PPP1R15A: variants seen among roughly 807,000 people sequenced by gnomAD.
The protein encoded by PPP1R15A is protein phosphatase 1 regulatory subunit 15A, also known as growth arrest and DNA damage-inducible protein GADD34.
PPP1R15A carries 43 observed loss-of-function variants against 48.5 expected under a neutral mutation model. That is an observed-to-expected ratio of 0.89 (90% CI 0.69 to 1.14). The LOEUF is 1.14. Among genes scored for constraint, PPP1R15A ranks in the 50% most tolerant of loss-of-function variants. PPP1R15A has a pLI of 0.00. For synonymous variants in PPP1R15A, 327 were observed against 327.4 expected (o/e 1.00, Z 0.01); for missense variants, 868 against 847.2 (o/e 1.02, Z -0.30).
intron 2 of PPP1R15A, 27 bp downstream of exon 2, chr19:48,874,925 T>C (rs772273966): frequency 2.2e-6 from 2 of 911,868 alleles, no homozygotes; most frequent in South Asian, 2.5e-5. Flanking sequence ...CAGATTCTAT[T>C]TTTTTTTTTT....
Position 48,874,581 on chromosome 19 carries a change from A to G in PPP1R15A, c.1348A>G (p.Ser450Gly). ...GGAGGAGGAAGATGAGGATGTGGAT[A>G]GTGAGGATAAGGAAGATGATTCAGA... ...TEEEEDEDVD[S>G]EDKEDDSEAA... is the part of the protein sequence containing the mutation. The change falls in exon 2 of 3, where the codon AGT becomes GGT. Residue 450 changes from serine (S) to glycine (G), a missense_variant. Transcript: ENST00000200453. The G allele has an allele frequency of 6.2e-7, 1 of 1,614,158 alleles. No homozygotes were observed. The highest frequency in any genetic ancestry group is 8.5e-7 in the Non-Finnish European group (1 of 1,180,012).
rs2037078598 is a variant in PPP1R15A, at chr19:48,875,932, G to A, written c.1984G>A (p.Ala662Thr). ...GGCCACACCTTCCCGCTCGTCTGCT[G>A]CTGCAGCGGCTGCCCTGGACCTCAG... ...AVATPSRSSAAAAAALDLSGR... is the reference protein window; with the variant it reads ...AVATPSRSSATAAAALDLSGR... Residue 662 changes from alanine to threonine, a missense_variant, in exon 3 of 3, where the codon GCT becomes ACT. Coordinates refer to ENST00000200453, the MANE Select transcript of PPP1R15A (RefSeq NM_014330.5). 1 of 1,608,084 alleles carries A rather than the reference G, an allele frequency of 6.2e-7. No homozygotes were observed. Among genetic ancestry groups the A allele is most frequent in the Non-Finnish European group, 8.5e-7 (1 of 1,175,460 alleles).
In PPP1R15A at chr19:48,873,264, A is replaced by T; in HGVS notation, c.31A>T (p.Thr11Ser). The T allele has an allele frequency of 6.4e-7, 1 of 1,553,958 alleles. No individual in the cohort carries two copies. Among genetic ancestry groups the T allele is most frequent in the South Asian group, 1.2e-5 (1 of 83,652 alleles). Residue 11 changes from threonine (T) to serine (S), a missense_variant, in exon 2 of 3, where the codon ACC (threonine) becomes TCC (serine). Coordinates refer to ENST00000200453, the MANE Select transcript of PPP1R15A (RefSeq NM_014330.5). The part of the protein sequence containing the change: MAPGQAPHQA[T>S]PWRDAHPFFL... ...CCCAGGCCAAGCACCCCATCAGGCT[A>T]CCCCGTGGAGGGATGCCCACCCTTT...
chr19:48,873,871 C>T lies in PPP1R15A; in HGVS notation c.638C>T (p.Pro213Leu), dbSNP rs775529077. ...AHRTSTSALS[P>L]GSKPSTWVSC... ...AGAACCTCTACTTCTGCCTTGTCTC[C>T]AGGATCCAAGCCCAGCACTTGGGTG... is the stretch of plus-strand genomic sequence containing the variant. The change falls in exon 2 of 3, where the codon CCA becomes CTA. Residue 213 changes from proline to leucine, a missense_variant. Pro to Leu is a moderately conservative substitution (Grantham distance 98). Coordinates refer to ENST00000200453, the MANE Select transcript of PPP1R15A (RefSeq NM_014330.5). 8.1e-6 allele frequency: 13 copies of T among 1,614,118 alleles called. No homozygotes were observed. In the South Asian group the frequency reaches 1.2e-4, roughly 15 times the overall value.
Position 48,874,715 on chromosome 19 carries a change from A to G in PPP1R15A, c.1482A>G (p.Glu494=). 6.2e-7 allele frequency: 1 copy of G among 1,613,974 alleles called. No homozygotes were observed. The highest frequency in any genetic ancestry group is 8.5e-7 in the Non-Finnish European group (1 of 1,179,974). ...YRPGKETEEE[E]AAEDWGEAEP... ...CTGGAAAAGAGACAGAGGAAGAGGAAGCTGCTGAGGACTGGGGAGAAGCTG... is the reference window on the plus strand; with the variant it reads ...CTGGAAAAGAGACAGAGGAAGAGGAGGCTGCTGAGGACTGGGGAGAAGCTG... Residue 494 remains glutamate (E), a synonymous_variant, in exon 2 of 3, where the codon GAA becomes GAG. Coordinates refer to ENST00000200453, the MANE Select transcript of PPP1R15A (RefSeq NM_014330.5).
chr19:48,875,095 T>G (rs2037065142), intron 2 of PPP1R15A, 197 bp downstream of exon 2: 2 of 597,416 alleles, frequency 3.3e-6, no homozygotes. Context: ...CCCAGCTAAT[T>G]TTTTTTGTAT....
Position 48,874,646 on chromosome 19 carries a change from C to G in PPP1R15A, c.1413C>G (p.Ser471=). 2.5e-6 allele frequency: 4 copies of G among 1,613,908 alleles called. No homozygotes were observed. The highest frequency in any genetic ancestry group is 3.4e-6 in the Non-Finnish European group (4 of 1,179,822). The change falls in exon 2 of 3, where the codon TCC becomes TCG. Residue 471 remains serine (S), a synonymous_variant. Transcript: ENST00000200453. ...LGEAESDPHP[S]HPDQRAHFRG... is the part of the protein sequence containing the mutation. ...AAGCTGAGTCAGACCCACATCCCTC[C>G]CACCCGGACCAGAGGGCCCACTTCA... is the stretch of plus-strand genomic sequence containing the variant.
In PPP1R15A at chr19:48,875,783, G is replaced by A. The variant is rs764179438; in HGVS notation, c.1835G>A (p.Arg612Gln). ...ELSPCLTPAA[R>Q]ARAWARLRNP... ...AGCCCCTGCCTCACCCCTGCTGCCC[G>A]GGCCAGAGCCTGGGCACGCCTCAGG... The change falls in exon 3 of 3, where the codon CGG (arginine) becomes CAG (glutamine). Residue 612 changes from arginine to glutamine, a missense_variant. Arg to Gln is a conservative substitution (Grantham distance 43). Coordinates refer to ENST00000200453, the MANE Select transcript of PPP1R15A (RefSeq NM_014330.5). 1.9e-5 allele frequency: 31 copies of A among 1,613,662 alleles called. No individual in the cohort carries two copies. Among genetic ancestry groups the A allele is most frequent in the East Asian group, 4.5e-5 (2 of 44,872 alleles).
Position 48,875,749 on chromosome 19 carries a change from G to C in PPP1R15A, c.1801G>C (p.Glu601Gln). Residue 601 changes from glutamate (E) to glutamine (Q), a missense_variant, in exon 3 of 3, where the codon GAG (glutamate) becomes CAG (glutamine). By Grantham distance (29) the Glu-to-Gln change is conservative. Coordinates refer to ENST00000200453, the MANE Select transcript of PPP1R15A (RefSeq NM_014330.5). Reference protein sequence around the residue: ...RFARRITQAQEELSPCLTPAA... With the variant: ...RFARRITQAQQELSPCLTPAA... ...CGCACGCCGCATCACCCAGGCCCAG[G>C]AGGAGCTGAGCCCCTGCCTCACCCC... 2 of 1,613,754 alleles carry C rather than the reference G, an allele frequency of 1.2e-6. No homozygotes were observed. The highest frequency in any genetic ancestry group is 1.7e-6 in the Non-Finnish European group (2 of 1,179,776).
At position 48,872,628 on chromosome 19, in the gene PPP1R15A, G is replaced by A. The variant is rs1276339119; in HGVS notation, c.-33G>A. 7.9e-6 allele frequency: 3 copies of A among 381,654 alleles called. No individual in the cohort carries two copies. The highest frequency in any genetic ancestry group is 5.5e-5 in the South Asian group (3 of 54,894). 23.6% of individuals were successfully genotyped at this position (381,654 alleles called of 1,614,324 possible). ...AGACCGAACCGGCGCTCCTGCCCCCGGGGTGACGCGCAGCTCCCAGCCGGT... is the reference window on the plus strand; with the variant it reads ...AGACCGAACCGGCGCTCCTGCCCCCAGGGTGACGCGCAGCTCCCAGCCGGT... On this transcript the variant is annotated 5_prime_UTR_variant, in exon 1 of 3. Coordinates refer to ENST00000200453, the MANE Select transcript of PPP1R15A (RefSeq NM_014330.5).
At position 48,873,767 on chromosome 19, in the gene PPP1R15A, T is replaced by C. The variant is rs776266319; in HGVS notation, c.534T>C (p.Ser178=). The change falls in exon 2 of 3, where the codon TCT becomes TCC. Residue 178 remains serine, a synonymous_variant. Transcript: ENST00000200453. Reference sequence around the variant, plus strand: ...AAGAGGAGGGAGTTAACAAGTTCTCTTATCCACCATCACACCGGGAGTGTT... The same window carrying C: ...AAGAGGAGGGAGTTAACAAGTTCTCCTATCCACCATCACACCGGGAGTGTT... The part of the protein sequence containing the change: ...VAEEEGVNKF[S]YPPSHRECCP... The C allele has an allele frequency of 1.2e-6, 2 of 1,613,920 alleles. No homozygotes were observed. The highest frequency in any genetic ancestry group is 1.7e-6 in the Non-Finnish European group (2 of 1,179,972).
chr19:48,873,901 G>T lies in PPP1R15A; in HGVS notation c.668G>T (p.Cys223Phe). 1 of 1,614,086 alleles carries T rather than the reference G, an allele frequency of 6.2e-7. No homozygotes were observed. The highest frequency in any genetic ancestry group is 8.5e-7 in the Non-Finnish European group (1 of 1,180,020). The stretch of plus-strand genomic sequence containing the variant: ...TCCAAGCCCAGCACTTGGGTGTCTT[G>T]CCCAGGGGAGGAAGAGAATCAAGCC... ...PGSKPSTWVS[C>F]PGEEENQATE... The change falls in exon 2 of 3, where the codon TGC (cysteine) becomes TTC (phenylalanine). Residue 223 changes from cysteine to phenylalanine, a missense_variant. Transcript: ENST00000200453.
Position 48,874,098 on chromosome 19 carries a change from C to T in PPP1R15A, c.865C>T (p.Gln289Ter), listed in dbSNP as rs879228656. Residue 289 changes from glutamine to a stop codon, truncating the protein, a stop_gained, in exon 2 of 3, where the codon CAA (glutamine) becomes TAA (stop). Transcript: ENST00000200453. LOFTEE classifies it high-confidence loss of function. ...GAAAGGAGAAGCTGCCCCAGGGCCG[C>T]AATCCTCAGCCCCAGCCCAGAGGCC... ...TGKGEAAPGPQSSAPAQRPQL... is the reference protein window; with the variant it reads ...TGKGEAAPGP 6.2e-7 allele frequency: 1 copy of T among 1,614,058 alleles called. No homozygotes were observed. The highest frequency in any genetic ancestry group is 1.3e-5 in the African/African-American group (1 of 74,926).
intron 2 of PPP1R15A, 140 bp downstream of exon 2, chr19:48,875,038 T>A (rs1210766444): frequency 9.3e-7 from 1 of 1,070,778 alleles, no homozygotes; most frequent in East Asian, 2.7e-5. Context: ...GCGATTCTCG[T>A]GCCTCAGCCT....
chr19:48,873,930 G>A lies in PPP1R15A; in HGVS notation c.697G>A (p.Glu233Lys). The change falls in exon 2 of 3, where the codon GAG becomes AAG. Residue 233 changes from glutamate to lysine, a missense_variant. By Grantham distance (56) the Glu-to-Lys change is moderately conservative (BLOSUM62 1). Coordinates refer to ENST00000200453, the MANE Select transcript of PPP1R15A (RefSeq NM_014330.5). ...AGGGGAGGAAGAGAATCAAGCCACG[G>A]AGGATAAAAGAACAGAAAGAAGTAA... The part of the protein sequence containing the change: ...CPGEEENQAT[E>K]DKRTERSKGA... 6.2e-7 allele frequency: 1 copy of A among 1,613,968 alleles called. No homozygotes were observed. The highest frequency in any genetic ancestry group is 1.1e-5 in the South Asian group (1 of 91,080).
rs566687328 is a variant in PPP1R15A, at chr19:48,875,637, T to C, written c.1689T>C (p.Thr563=). 2.5e-6 allele frequency: 4 copies of C among 1,602,374 alleles called. No homozygotes were observed. The highest frequency in any genetic ancestry group is 1.7e-6 in the Non-Finnish European group (2 of 1,174,054). The change falls in exon 3 of 3, where the codon ACT becomes ACC. Residue 563 remains threonine (T), a synonymous_variant. Transcript: ENST00000200453. ...AGGTGCGCTTCTCCGAGAAGGTCAC[T>C]GTCCATTTCCTGGCTGTCTGGGCAG... ...ARKVRFSEKV[T]VHFLAVWAGP...
intron 2 of PPP1R15A, 84 bp downstream of exon 2, chr19:48,874,982 G>GC (rs1751965178): frequency 7.1e-7 from 1 of 1,404,332 alleles, no homozygotes; most frequent in African/African-American, 1.5e-5. Flanking sequence ...CTGGAGTGCA[G>GC]CGGCATGATC....
At position 48,875,886 on chromosome 19, in the gene PPP1R15A, C is replaced by A. The variant is rs745605469; in HGVS notation, c.1938C>A (p.Thr646=). 1.1e-5 allele frequency: 18 copies of A among 1,614,182 alleles called. No homozygotes were observed. The East Asian group carries it at 4.0e-4, about 36-fold the overall frequency. Residue 646 remains threonine, a synonymous_variant, in exon 3 of 3, where the codon ACC becomes ACA. Transcript: ENST00000200453. ...SSSVPSSPVQ[T]TPLSQAVATP... ...CTGTCCCTTCGTCCCCAGTCCAGAC[C>A]ACGCCCTTGAGCCAAGCTGTGGCCA...
rs201073468 is a variant in PPP1R15A at position 48,874,061 on chromosome 19, C to T, written c.828C>T (p.His276=). ...CCGAGGAGAAGGAGGAAAAGGCACA[C>T]AAAGAAACTGGGAAAGGAGAAGCTG... is the stretch of plus-strand genomic sequence containing the variant. The part of the protein sequence containing the change: ...EASEEKEEKA[H]KETGKGEAAP... The change falls in exon 2 of 3, where the codon CAC becomes CAT. Residue 276 remains histidine, a synonymous_variant. Transcript: ENST00000200453. 2.4e-4 allele frequency: 390 copies of T among 1,614,076 alleles called. No homozygotes were observed. The highest frequency in any genetic ancestry group is 1.0e-4 in the Admixed American group (6 of 60,004).
Sources: gnomAD v4.1 joint callset for allele counts on GRCh38, gnomAD v4.1.1 for gene constraint, MANE v1.5 for transcripts, NCBI Gene and HGNC (gene_info 2026-07-23, HGNC 2026-07-21) for gene names.